Variants in ARHGEF10 observed in about 807,000 individuals in gnomAD.
The protein encoded by ARHGEF10 is Rho guanine nucleotide exchange factor 10.
ARHGEF10 carries 140 observed loss-of-function variants against 147.4 expected under a neutral mutation model. The ratio of observed to expected loss-of-function variants is 0.95; its 90% CI spans 0.83 to 1.09. ARHGEF10 has a LOEUF of 1.09. ARHGEF10 is among the 50% of genes least tolerant of loss of function. ARHGEF10 has a pLI of 0.00. For missense variants in ARHGEF10, 2,222 were observed against 1,752.7 expected (o/e 1.27, Z -4.78); for synonymous variants, 902 against 695.8 (o/e 1.30, Z -4.67).
intron 1 of ARHGEF10, among the ~76,000 whole-genome samples, chr8:1,831,971 G>A (rs1236278581): frequency 6.6e-6 from 1 of 152,188 alleles, no homozygotes; most frequent in Non-Finnish European, 1.5e-5. Flanking sequence ...GGCAGGAGGG[G>A]AGGGTGGTGC....
At chr8:1,830,900 G>A (rs1803058482) in intron 1 of ARHGEF10, among the ~76,000 whole-genome samples, 1 of 152,250 alleles carries the variant, frequency 6.6e-6, no homozygotes, top group South Asian at 2.1e-4. Flanking sequence ...CGAGAGATGA[G>A]CTGAGCCCAC....
rs530518296 is a variant in ARHGEF10, at chr8:1,948,234, C to T, written c.3397+2579C>T. On this transcript the variant is annotated intron_variant, in intron 27 of 28. Coordinates refer to ENST00000349830, the MANE Select transcript of ARHGEF10 (RefSeq NM_014629.4). The surrounding 1 kb of genome is among the most constrained non-coding windows in gnomAD (Gnocchi z 4.9). Reference sequence around the variant, plus strand: ...GCCCCTCCAACATCCTGGGCTGGCTCTCCATGGCCACAGTGCGTGCTCTCA... The same window carrying T: ...GCCCCTCCAACATCCTGGGCTGGCTTTCCATGGCCACAGTGCGTGCTCTCA... 6.6e-6 allele frequency among the ~76,000 whole-genome samples: 1 copy of T among 152,278 alleles called. No homozygotes were observed. Among genetic ancestry groups the T allele is most frequent in the Admixed American group, 6.5e-5 (1 of 15,306 alleles).
At chr8:1,903,712 C>T in intron 16 of ARHGEF10, 1 of 553,514 alleles carries the variant, frequency 1.8e-6, no homozygotes, top group Non-Finnish European at 3.2e-6. Flanking sequence ...GGATCCAGGA[C>T]CTCCCAAGGG....
intron 8 of ARHGEF10, among the ~76,000 whole-genome samples, chr8:1,877,199 C>T (rs1389112865): frequency 6.6e-6 from 1 of 152,198 alleles, no homozygotes; most frequent in Non-Finnish European, 1.5e-5. Flanking sequence ...ACAAAAGCTT[C>T]TAAACTGACC....
chr8:1,901,104 T>C (rs749508128), intron 15 of ARHGEF10, among the ~76,000 whole-genome samples: 2 of 151,654 alleles, frequency 1.3e-5, no homozygotes, highest in Non-Finnish European at 2.9e-5. Flanking sequence ...GTGTCTGGAG[T>C]CATTGTGTGG....
chr8:1,930,769 G>A (rs1323874627), intron 25 of ARHGEF10, among the ~76,000 whole-genome samples: 8 of 152,232 alleles, frequency 5.3e-5, no homozygotes, highest in African/African-American at 1.7e-4. Context: ...CTTCTCCCGT[G>A]TGGTTCCGGC....
chr8:1,915,363 C>T (rs1232286637), intron 18 of ARHGEF10, among the ~76,000 whole-genome samples: 2 of 152,200 alleles, frequency 1.3e-5, no homozygotes, highest in Non-Finnish European at 2.9e-5. Flanking sequence ...AGTTATTCTA[C>T]TTTTCTACAT....
At chr8:1,943,523 C>G (rs959655088) in intron 26 of ARHGEF10, 2 of 152,250 alleles carry the variant, frequency 1.3e-5, no homozygotes, top group African/African-American at 4.8e-5. Flanking sequence ...TTCCCAACTC[C>G]CAGGCAGATG....
chr8:1,826,188 A>G, intron 1 of ARHGEF10: 3 of 1,496,560 alleles, frequency 2.0e-6, no homozygotes, highest in Non-Finnish European at 2.7e-6. Flanking sequence ...AGTTGTAGAC[A>G]GTTGGGGGTG....
chr8:1,872,842 T>A (rs1257496026), intron 7 of ARHGEF10, among the ~76,000 whole-genome samples: 1 of 152,228 alleles, frequency 6.6e-6, no homozygotes, highest in Non-Finnish European at 1.5e-5. Context: ...GAGGTGTGCC[T>A]GCTGTCATGG....
chr8:1,897,428 G>A (rs1585444905), intron 14 of ARHGEF10, among the ~76,000 whole-genome samples: 1 of 150,302 alleles, frequency 6.7e-6, no homozygotes, highest in African/African-American at 2.5e-5. Flanking sequence ...CTGTCCTAAG[G>A]GATCGGATCG....
intron 25 of ARHGEF10, among the ~76,000 whole-genome samples, chr8:1,932,386 A>G (rs1813219756): frequency 6.6e-6 from 1 of 152,184 alleles, no homozygotes; most frequent in Non-Finnish European, 1.5e-5. Context: ...ACATGTGCAG[A>G]CGTGTGTGTC....
intron 1 of ARHGEF10, among the ~76,000 whole-genome samples, chr8:1,824,957 G>A (rs1487219930): frequency 3.2e-5 from 1 of 30,962 alleles, no homozygotes; most frequent in Non-Finnish European, 5.8e-5. Flanking sequence ...CCAGTTCCCC[G>A]CACCCCACCT....
At chr8:1,855,340 A>C (rs550745251) in intron 2 of ARHGEF10, among the ~76,000 whole-genome samples, 1 of 152,304 alleles carries the variant, frequency 6.6e-6, no homozygotes, top group East Asian at 1.9e-4. Flanking sequence ...ATGAATCTGA[A>C]CATGTGCCTG....
chr8:1,827,302 T>G (rs1802828429), intron 1 of ARHGEF10, among the ~76,000 whole-genome samples: 2 of 152,218 alleles, frequency 1.3e-5, no homozygotes, highest in Non-Finnish European at 2.9e-5. Flanking sequence ...TTTCCAAATT[T>G]TGATAAAAAA....
At chr8:1,922,936 T>C (rs778377307) in intron 18 of ARHGEF10, 28 bp from the exon 19 acceptor site, 24 of 1,459,356 alleles carry the variant, frequency 1.6e-5, no homozygotes, top group Non-Finnish European at 3.8e-6. Flanking sequence ...CTTTGTATTC[T>C]TTTTTTTTCT....
intron 1 of ARHGEF10, among the ~76,000 whole-genome samples, chr8:1,836,832 C>T (rs762194620): frequency 2.8e-4 from 42 of 152,128 alleles, no homozygotes; most frequent in African/African-American, 8.9e-4. Context: ...TGGTCTTTCC[C>T]GTGATATTCT....
chr8:1,890,197 GGTGAGGGTTGTGAAGAGACACTGAGT>G (rs1809368313), intron 11 of ARHGEF10, among the ~76,000 whole-genome samples: 1 of 134,120 alleles, frequency 7.5e-6, no homozygotes, highest in African/African-American at 2.9e-5. Context: ...CACTGAATAG[GGTGAGGGTTGTGAAGAGACACTGAGT>G]GGGGTGAGGG....
At chr8:1,828,882 C>T (rs1297902682) in intron 1 of ARHGEF10, among the ~76,000 whole-genome samples, 3 of 141,978 alleles carry the variant, frequency 2.1e-5, no homozygotes, top group Non-Finnish European at 4.6e-5. Context: ...TTTATTCTAT[C>T]GTTTGCTTAT....
Sources: allele counts gnomAD v4.1 joint callset (sites outside exome capture counted in the v4.1 genomes callset), GRCh38; gene constraint gnomAD v4.1.1; non-coding constraint Gnocchi (gnomAD v3.1); transcripts MANE v1.5; gene names NCBI Gene and HGNC (gene_info 2026-07-23, HGNC 2026-07-21).